The following PRKCQ variants were observed in gnomAD, a reference collection of about 807,000 sequenced individuals.
The protein encoded by PRKCQ is protein kinase C theta type.
Under a neutral mutation model 91.2 loss-of-function variants are expected in PRKCQ, and 41 were observed. The observed-to-expected ratio is 0.45, with a 90% confidence interval of 0.35 to 0.58. The LOEUF is 0.58. Ranked by LOEUF, PRKCQ falls within the 20% of genes least tolerant of loss-of-function variation. The pLI is 0.00. For synonymous variants in PRKCQ, 307 were observed against 316.9 expected (o/e 0.97, Z 0.33); for missense variants, 673 against 896.5 (o/e 0.75, Z 3.18).
At chr10:6,450,187 C>G (rs1423655937) in intron 15 of PRKCQ, among the ~76,000 whole-genome samples, 2 of 149,506 alleles carry the variant, frequency 1.3e-5, no homozygotes, top group African/African-American at 2.5e-5. Context: ...TTCAGGAAAC[C>G]CATCTCATGT....
At chr10:6,429,517 T>C (rs1564286582) in intron 17 of PRKCQ, among the ~76,000 whole-genome samples, 2 of 152,092 alleles carry the variant, frequency 1.3e-5, no homozygotes, top group Non-Finnish European at 2.9e-5. Context: ...TCATGACTAA[T>C]AGCCTGTGCG....
Position 6,432,512 on chromosome 10 carries a change from T to C in PRKCQ, c.1837-1574A>G, listed in dbSNP as rs76278637. 3.0e-3 allele frequency among the ~76,000 whole-genome samples: 461 copies of C among 152,330 alleles called. 5 individuals are homozygous for C. The highest frequency in any genetic ancestry group is 0.011 in the African/African-American group (443 of 41,568). ...TCTCTCCCCCTTACCATATGGGGACTGCTGAGGACTCTCTAGGGAAACTTG... is the reference window on the plus strand; with the variant it reads ...TCTCTCCCCCTTACCATATGGGGACCGCTGAGGACTCTCTAGGGAAACTTG... On this transcript the variant is annotated intron_variant, in intron 16 of 17. Transcript: ENST00000263125.
chr10:6,403,508 C>T, the PRKCQ span, among the ~76,000 whole-genome samples: 15 of 152,110 alleles, frequency 9.9e-5, no homozygotes, highest in Non-Finnish European at 1.3e-4. Context: ...CGTGAGTTCC[C>T]GGCTCACTCT....
Position 6,427,799 on chromosome 10 carries a change from C to T in PRKCQ, c.*408G>A, listed in dbSNP as rs1468338793. On this transcript the variant is annotated 3_prime_UTR_variant, in exon 18 of 18. Transcript: ENST00000263125. ...TCCGCTACTAGACCAGGCAATGGGG[C>T]CGTTTCAGTCTTGAGACGTCTGTAC... 7 of 194,898 alleles carry T rather than the reference C, an allele frequency of 3.6e-5. No homozygotes were observed. In the South Asian group the frequency reaches 4.3e-4, roughly 12 times the overall value. 12.1% of individuals were successfully genotyped at this position (194,898 alleles called of 1,614,324 possible).
At position 6,506,594 on chromosome 10, in the gene PRKCQ, G is replaced by C. The variant is rs563211341; in HGVS notation, c.379+842C>G. 3.9e-5 allele frequency among the ~76,000 whole-genome samples: 6 copies of C among 152,220 alleles called. No homozygotes were observed. The South Asian group carries it at 1.2e-3, about 32-fold the overall frequency. On this transcript the variant is annotated intron_variant, in intron 4 of 17. Transcript: ENST00000263125. The stretch of plus-strand genomic sequence containing the variant: ...ATGCCTCAATATCATCAAATATCTA[G>C]TGAGTGTTCAAGTTTTCTATGATTA...
the PRKCQ span, among the ~76,000 whole-genome samples, chr10:6,412,160 T>C: frequency 0.97 from 148,346 of 152,300 alleles, 72,355 homozygotes; most frequent in East Asian, 1. Context: ...GATTCTCCCA[T>C]CTCAGCCTCT....
At chr10:6,445,121 C>CTCAAAAAAAAAAAAAAAAAAAAAAAAAAA (rs779476076) in intron 15 of PRKCQ, among the ~76,000 whole-genome samples, 1 of 105,412 alleles carries the variant, frequency 9.5e-6, no homozygotes, top group African/African-American at 4.4e-5. Context: ...AAGACTCTGT[C>CTCAAAAAAAAAAAAAAAAAAAAAAAAAAA]AAAAAAAAAA....
intron 1 of PRKCQ, among the ~76,000 whole-genome samples, chr10:6,571,176 G>A (rs566377199): frequency 5.9e-5 from 9 of 152,106 alleles, no homozygotes; most frequent in East Asian, 1.9e-4. Context: ...CGTGTTTTCC[G>A]GGAGAACTCA....
chr10:6,537,510 A>T (rs1839628414), intron 1 of PRKCQ, among the ~76,000 whole-genome samples: 1 of 152,152 alleles, frequency 6.6e-6, no homozygotes, highest in Admixed American at 6.5e-5. Context: ...ACAGAAGCTA[A>T]CCTGAGGACA....
rs1355067959 is a variant in PRKCQ at position 6,548,741 on chromosome 10, G to C, written c.-10+31470C>G. 7.2e-5 allele frequency among the ~76,000 whole-genome samples: 8 copies of C among 111,588 alleles called. No homozygotes were observed. In the South Asian group the frequency reaches 3.3e-3, roughly 45 times the overall value. The allele number at this position is 111,588 out of a possible 152,430, so 73.2% of individuals were successfully genotyped here. A position where few individuals can be genotyped will look rare whatever the true frequency, so the allele number is the denominator to read the frequency against. ...CACTCTGGGGACTGTTGTGGGGTGG[G>C]GGGAGGGGGGAGGGATAGCTTTAGG... On this transcript the variant is annotated intron_variant, in intron 1 of 17. Transcript: ENST00000263125.
Position 6,456,761 on chromosome 10 carries a change from G to A in PRKCQ, c.1560C>T (p.Ile520=), listed in dbSNP as rs11258943. 326,150 of 1,613,548 alleles carry A rather than the reference G, an allele frequency of 0.2. 35,088 individuals carry two copies. The highest frequency in any genetic ancestry group is 0.22 in the Non-Finnish European group (258,527 of 1,179,706). ...TCTCCTTGCACATTCCAAAATCCGC[G>A]ATCTTGATATGTCCATCTTTGTCTA... is the stretch of plus-strand genomic sequence containing the variant. The part of the protein sequence containing the change: ...ILLDKDGHIK[I]ADFGMCKENM... The change falls in exon 15 of 18, where the codon ATC becomes ATT. Residue 520 remains isoleucine (I), a synonymous_variant. Coordinates refer to ENST00000263125, the MANE Select transcript of PRKCQ (RefSeq NM_006257.5).
intron 15 of PRKCQ, among the ~76,000 whole-genome samples, chr10:6,447,277 C>G (rs1394908306): frequency 6.6e-6 from 1 of 151,818 alleles, no homozygotes; most frequent in African/African-American, 2.4e-5. Context: ...CATGGTGGCA[C>G]GCGCCTGTAG....
chr10:6,565,176 C>T (rs575034379), intron 1 of PRKCQ, among the ~76,000 whole-genome samples: 5 of 152,314 alleles, frequency 3.3e-5, no homozygotes, highest in African/African-American at 1.2e-4. Context: ...AGCAGCATGG[C>T]TGGGTGTCTT....
At chr10:6,546,481 T>C (rs966537333) in intron 1 of PRKCQ, among the ~76,000 whole-genome samples, 12 of 152,350 alleles carry the variant, frequency 7.9e-5, no homozygotes, top group Non-Finnish European at 1.8e-4. Flanking sequence ...TTAGGTATTT[T>C]ACTCTCTTTG....
At chr10:6,508,891 G>A (rs1030247169) in intron 3 of PRKCQ, among the ~76,000 whole-genome samples, 5 of 152,050 alleles carry the variant, frequency 3.3e-5, no homozygotes, top group Non-Finnish European at 7.4e-5. Context: ...CACAACCTTG[G>A]GAAAACAAAA....
intron 14 of PRKCQ, among the ~76,000 whole-genome samples, chr10:6,460,102 A>G (rs1043382540): frequency 4.6e-5 from 7 of 152,340 alleles, no homozygotes; most frequent in African/African-American, 1.4e-4. Flanking sequence ...CTGGTGACCT[A>G]TCCTCAGTTA....
downstream of PRKCQ, among the ~76,000 whole-genome samples, chr10:6,425,035 T>C (rs1411334765): frequency 6.6e-6 from 1 of 152,168 alleles, no homozygotes; most frequent in African/African-American, 2.4e-5. Context: ...AAGCCAGGTG[T>C]GGCCCTGAAT....
At chr10:6,580,538 G>T (rs1431944113), upstream of PRKCQ, 5 of 152,404 alleles carry the variant, frequency 3.3e-5, no homozygotes, top group African/African-American at 4.8e-5. Context: ...GGAGCGGGAG[G>T]CGGCGGCCGG....
chr10:6,515,007 C>T lies in PRKCQ; in HGVS notation c.118+11G>A, dbSNP rs1337164554. 6.2e-7 allele frequency: 1 copy of T among 1,612,686 alleles called. No individual in the cohort carries two copies. Among genetic ancestry groups the T allele is most frequent in the South Asian group, 1.1e-5 (1 of 91,008 alleles). Reference sequence around the variant, plus strand: ...CCTCCTCCCCCGCTTTGAAAATCCCCTCAAGCTTACCTGATTCGACATACT... The same window carrying T: ...CCTCCTCCCCCGCTTTGAAAATCCCTTCAAGCTTACCTGATTCGACATACT... On this transcript the variant is annotated intron_variant, in intron 2 of 17. Coordinates refer to ENST00000263125, the MANE Select transcript of PRKCQ (RefSeq NM_006257.5).
Sources: gnomAD v4.1 joint callset for allele counts (sites outside exome capture counted in the v4.1 genomes callset) on GRCh38, gnomAD v4.1.1 for gene constraint, MANE v1.5 for transcripts, NCBI Gene and HGNC (gene_info 2026-07-23, HGNC 2026-07-21) for gene names.